The following STRBP variants were observed in gnomAD, a reference collection of about 807,000 sequenced individuals.
STRBP encodes spermatid perinuclear RNA binding protein, also known as spermatid perinuclear RNA-binding protein.
Under a neutral mutation model 80.1 loss-of-function variants are expected in STRBP, and 13 were observed. The observed-to-expected ratio is 0.16, with a 90% CI of 0.11 to 0.26. STRBP has a LOEUF of 0.26. STRBP is among the 10% of genes least tolerant of loss of function. STRBP has a pLI of 1.00. For synonymous variants in STRBP, 284 were observed against 291.2 expected (o/e 0.98, Z 0.25); for missense variants, 485 against 815.2 (o/e 0.59, Z 4.93).
chr9:123,153,524 G>A (rs911190370), intron 11 of STRBP, among the ~76,000 whole-genome samples: 1 of 152,144 alleles, frequency 6.6e-6, no homozygotes, highest in Non-Finnish European at 1.5e-5. Flanking sequence ...ATTTGCTGAC[G>A]TTTGGGATAT....
At chr9:123,182,507 A>G (rs1364652731) in intron 3 of STRBP, among the ~76,000 whole-genome samples, 1 of 152,216 alleles carries the variant, frequency 6.6e-6, no homozygotes, top group Middle Eastern at 3.2e-3. Flanking sequence ...GAGCGGAATG[A>G]GAGGTAAATA....
intron 2 of STRBP, among the ~76,000 whole-genome samples, chr9:123,225,353 AAAAGT>A (rs1254222281): frequency 6.6e-6 from 1 of 152,256 alleles, no homozygotes; most frequent in Admixed American, 6.5e-5. Context: ...AGGAAAACAG[AAAAGT>A]AAACTAGCAT....
intron 6 of STRBP, among the ~76,000 whole-genome samples, chr9:123,168,800 G>T (rs2037881136): frequency 6.6e-6 from 1 of 152,176 alleles, no homozygotes; most frequent in African/African-American, 2.4e-5. Context: ...ATGAGAGGCA[G>T]AAACAAGCTA....
intron 1 of STRBP, among the ~76,000 whole-genome samples, chr9:123,256,411 A>G (rs2041031772): frequency 6.6e-6 from 1 of 152,160 alleles, no homozygotes. Flanking sequence ...TGTACTTGAT[A>G]GGTTCTTGGA....
chr9:123,253,568 T>C (rs1455452443), intron 1 of STRBP, among the ~76,000 whole-genome samples: 4 of 152,162 alleles, frequency 2.6e-5, no homozygotes, highest in Non-Finnish European at 5.9e-5. Context: ...ATCAGCTAAG[T>C]GATTCTAGAG....
chr9:123,163,159 G>A (rs1489130199), intron 6 of STRBP, among the ~76,000 whole-genome samples: 2 of 152,318 alleles, frequency 1.3e-5, no homozygotes, highest in East Asian at 3.9e-4. Context: ...GACAATGGAA[G>A]AGGGAAGTAA....
At chr9:123,210,033 C>G (rs1474022907) in intron 2 of STRBP, among the ~76,000 whole-genome samples, 1 of 152,116 alleles carries the variant, frequency 6.6e-6, no homozygotes, top group Non-Finnish European at 1.5e-5. Context: ...TTAAGAGAGG[C>G]TTATTTTCTA....
intron 2 of STRBP, among the ~76,000 whole-genome samples, chr9:123,236,053 A>C (rs191984027): frequency 2.1e-4 from 32 of 152,278 alleles, no homozygotes; most frequent in African/African-American, 7.2e-4. Flanking sequence ...ACATTTCAAC[A>C]CACTTTGAAT....
intron 1 of STRBP, among the ~76,000 whole-genome samples, chr9:123,262,332 A>G (rs913401310): frequency 6.6e-6 from 1 of 152,258 alleles, no homozygotes; most frequent in Non-Finnish European, 1.5e-5. Flanking sequence ...ACTAGTCACT[A>G]TATGTCAACA....
chr9:123,118,411 G>C (rs1180135792), downstream of STRBP, among the ~76,000 whole-genome samples: 1 of 152,234 alleles, frequency 6.6e-6, no homozygotes, highest in Non-Finnish European at 1.5e-5. Flanking sequence ...TGGGCAAACA[G>C]TGGCTATCTT....
intron 1 of STRBP, among the ~76,000 whole-genome samples, chr9:123,252,969 A>C (rs1469166351): frequency 6.6e-6 from 1 of 152,260 alleles, no homozygotes; most frequent in Non-Finnish European, 1.5e-5. Context: ...AGTTCTTTCA[A>C]ACTTTAAAAA....
At chr9:123,267,763 G>T (rs1438411820) in intron 1 of STRBP, among the ~76,000 whole-genome samples, 2 of 142,202 alleles carry the variant, frequency 1.4e-5, no homozygotes. Context: ...GGCACGCAGC[G>T]CTCCTTCCAG....
At chr9:123,257,650 C>A (rs1460111567) in intron 1 of STRBP, among the ~76,000 whole-genome samples, 1 of 152,054 alleles carries the variant, frequency 6.6e-6, no homozygotes, top group African/African-American at 2.4e-5. Context: ...CTTGTCTCTA[C>A]AAAATAATTT....
At chr9:123,159,233 G>T in intron 8 of STRBP, 26 bp from the exon 9 acceptor site, 1 of 1,496,542 alleles carries the variant, frequency 6.7e-7, no homozygotes, top group Non-Finnish European at 9.3e-7. Context: ...TTACAAATTA[G>T]TACATGCACC....
chr9:123,234,195 C>T (rs59096920), intron 2 of STRBP, among the ~76,000 whole-genome samples: 10,543 of 131,854 alleles, frequency 0.08, 1,458 homozygotes, highest in East Asian at 0.6. Flanking sequence ...AGCGAGACGC[C>T]GTGTCAAAAA....
chr9:123,220,636 A>G (rs1009893559), intron 2 of STRBP, among the ~76,000 whole-genome samples: 1 of 152,224 alleles, frequency 6.6e-6, no homozygotes, highest in African/African-American at 2.4e-5. Context: ...CATTGTCAGT[A>G]CTACCAGTTA....
rs568879364 is a variant in STRBP at position 123,167,301 on chromosome 9, A to G, written c.535+2601T>C. On this transcript the variant is annotated intron_variant, in intron 6 of 18. Transcript: ENST00000348403. ...CAATGGATTTTTTTTTAACTTTGAG[A>G]AAAAAAAAAGTATAAATTAGGAGAA... 1.7e-4 allele frequency among the ~76,000 whole-genome samples: 25 copies of G among 149,758 alleles called. No individual in the cohort carries two copies. In the South Asian group the frequency reaches 1.9e-3, roughly 11 times the overall value.
intron 11 of STRBP, among the ~76,000 whole-genome samples, chr9:123,148,306 A>G (rs913537647): frequency 3.3e-5 from 5 of 152,198 alleles, no homozygotes; most frequent in African/African-American, 1.2e-4. Context: ...GGGGATACAT[A>G]GCAGGCACCA....
At chr9:123,239,312 T>C (rs2132601694) in intron 1 of STRBP, among the ~76,000 whole-genome samples, 1 of 152,200 alleles carries the variant, frequency 6.6e-6, no homozygotes, top group South Asian at 2.1e-4. Flanking sequence ...GAGGCAGAGC[T>C]TGCAGTGAGC....
Sources: gnomAD v4.1 joint callset for allele counts (sites outside exome capture counted in the v4.1 genomes callset) on GRCh38, gnomAD v4.1.1 for gene constraint, MANE v1.5 for transcripts, NCBI Gene and HGNC (gene_info 2026-07-23, HGNC 2026-07-21) for gene names.